Variants in CRNKL1 observed in about 807,000 individuals in gnomAD.
CRNKL1 encodes crooked neck-like protein 1.
In CRNKL1, 35 loss-of-function variants were observed where a neutral mutation model predicts 103.7. The observed-to-expected ratio is 0.34, with a 90% CI of 0.26 to 0.45. The LOEUF (loss-of-function observed/expected upper bound fraction) is 0.45, where lower values mean the gene tolerates loss of function less well. Ranked by LOEUF, CRNKL1 falls within the 20% of genes least tolerant of loss-of-function variation. The pLI, the probability that CRNKL1 is intolerant of heterozygous loss-of-function variation, is 1.00. For missense variants in CRNKL1, 645 were observed against 836.0 expected, an observed-to-expected ratio of 0.77 and a Z score of 2.82; for synonymous variants, 267 against 282.6, an observed-to-expected ratio of 0.94 and a Z score of 0.55.
chr20:20,039,037 C>T (rs1314039807), intron 11 of CRNKL1, among the ~76,000 whole-genome samples: 1 of 152,174 alleles, frequency 6.6e-6, no homozygotes, highest in Non-Finnish European at 1.5e-5. Context: ...AATCAGGGGG[C>T]CAAACCATTA....
In CRNKL1 at chr20:20,036,188, A is replaced by G; in HGVS notation, c.*7T>C. The G allele has an allele frequency of 6.2e-7, 1 of 1,609,088 alleles. No individual in the cohort carries two copies. The highest frequency in any genetic ancestry group is 2.2e-5 in the East Asian group (1 of 44,838). On this transcript the variant is annotated 3_prime_UTR_variant, in exon 14 of 14. Coordinates refer to ENST00000536226, the MANE Select transcript of CRNKL1 (RefSeq NM_001278628.2). ...AAATAACAAAACATTTGTCTATGAAAAAAAGATCAGGATTCACTCTCATCG... is the reference window on the plus strand; with the variant it reads ...AAATAACAAAACATTTGTCTATGAAGAAAAGATCAGGATTCACTCTCATCG...
At chr20:20,052,543 C>A, upstream of CRNKL1, 1 of 1,614,178 alleles carries the variant, frequency 6.2e-7, no homozygotes, top group Non-Finnish European at 8.5e-7. Context: ...GGCTGCGCGT[C>A]CTCCTTGCGG....
At position 20,042,561 on chromosome 20, in the gene CRNKL1, C is replaced by G. The variant is rs137935048; in HGVS notation, c.973-45G>C. On this transcript the variant is annotated intron_variant, in intron 7 of 13. Coordinates refer to ENST00000536226, the MANE Select transcript of CRNKL1 (RefSeq NM_001278628.2). ...AATAAATAAAAAACAAAACCAAGAG[C>G]TGCACTTGCCAGGTTAAGCAAGCTG... 5.0e-4 allele frequency: 772 copies of G among 1,544,264 alleles called. 2 individuals are homozygous for G. In the African/African-American group the frequency reaches 8.1e-3, roughly 16 times the overall value.
intron 10 of CRNKL1, 92 bp from the exon 11 acceptor site, chr20:20,039,940 G>A (rs2043485707): frequency 7.6e-7 from 1 of 1,322,936 alleles, no homozygotes; most frequent in South Asian, 1.4e-5. Flanking sequence ...CTCTGCTGAG[G>A]AAGAATCTTG....
At chr20:20,049,528 T>C in intron 2 of CRNKL1, 97 bp from the exon 3 acceptor site, 1 of 640,044 alleles carries the variant, frequency 1.6e-6, no homozygotes, top group South Asian at 2.0e-5. Flanking sequence ...TGGTTATTCA[T>C]TTTGTTCATA....
chr20:20,052,612 T>A, upstream of CRNKL1: 1 of 1,613,712 alleles, frequency 6.2e-7, no homozygotes, highest in Non-Finnish European at 8.5e-7. Flanking sequence ...CCGTGCTGAC[T>A]AGCAGCGACG....
chr20:20,050,354 C>T (rs2067036), intron 2 of CRNKL1, 116 bp downstream of exon 2: 125,298 of 783,764 alleles, frequency 0.16, 17,793 homozygotes, highest in East Asian at 0.71. Flanking sequence ...ATTATTCATG[C>T]GTCTGGAAAC....
intron 3 of CRNKL1, 36 bp from the exon 4 acceptor site, chr20:20,048,537 A>C: frequency 6.2e-7 from 1 of 1,606,888 alleles, no homozygotes; most frequent in Non-Finnish European, 8.5e-7. Flanking sequence ...TCAAAAATAG[A>C]GCATTCAACA....
chr20:20,040,357 G>A (rs1327597499), intron 10 of CRNKL1, among the ~76,000 whole-genome samples: 1 of 151,018 alleles, frequency 6.6e-6, no homozygotes, highest in Non-Finnish European at 1.5e-5. Flanking sequence ...AAAAAAAAGT[G>A]GAACAATTAA....
At chr20:20,054,009 G>GTTTT (rs1491456523), upstream of CRNKL1, among the ~76,000 whole-genome samples, 1 of 88,854 alleles carries the variant, frequency 1.1e-5, no homozygotes, top group African/African-American at 4.0e-5. Flanking sequence ...TGTTTTTTTT[G>GTTTT]TTTGTTTTTT....
chr20:20,047,678 T>C (rs1200434614), intron 5 of CRNKL1, 87 bp downstream of exon 5: 1 of 1,345,330 alleles, frequency 7.4e-7, no homozygotes, highest in African/African-American at 1.4e-5. Flanking sequence ...TTAATGACTG[T>C]GTGTCCTGAT....
At position 20,036,249 on chromosome 20, in the gene CRNKL1, T is replaced by C; in HGVS notation, c.2010A>G (p.Glu670=). The change falls in exon 14 of 14, where the codon GAA becomes GAG. Residue 670 remains glutamate, a synonymous_variant. Transcript: ENST00000536226. ...MAKLWKKQQQ[E]KEDAEHHPDE... Reference sequence around the variant, plus strand: ...CTGGATGGTGCTCAGCATCCTCCTTTTCCTGCTGCTGTTTCTTCCACAGTT... The same window carrying C: ...CTGGATGGTGCTCAGCATCCTCCTTCTCCTGCTGCTGTTTCTTCCACAGTT... The C allele has an allele frequency of 6.2e-7, 1 of 1,614,242 alleles. No homozygotes were observed. Among genetic ancestry groups the C allele is most frequent in the Non-Finnish European group, 8.5e-7 (1 of 1,180,034 alleles).
intron 6 of CRNKL1, 86 bp from the exon 7 acceptor site, chr20:20,043,748 CT>C: frequency 7.6e-7 from 1 of 1,308,086 alleles, no homozygotes; most frequent in South Asian, 1.4e-5. Context: ...CAAAATATTA[CT>C]TATAAGTTAG....
chr20:20,049,135 C>A (rs1194884410), intron 3 of CRNKL1, among the ~76,000 whole-genome samples: 1 of 152,050 alleles, frequency 6.6e-6, no homozygotes, highest in African/African-American at 2.4e-5. Context: ...ATCTCTAAAG[C>A]CTCTTCTGCC....
intron 7 of CRNKL1, 84 bp downstream of exon 7, chr20:20,043,408 T>C: frequency 1.5e-6 from 2 of 1,298,714 alleles, no homozygotes; most frequent in Non-Finnish European, 2.2e-6. Context: ...TAGTGCTACT[T>C]GCTATTATTC....
rs1325523711 is a variant in CRNKL1, at chr20:20,039,605, T to C, written c.1545+4A>G. Reference sequence around the variant, plus strand: ...CAAAATTATATTTGACTTGAGATGCTCACCTCTGGCATGTCTAAACGTGGC... The same window carrying C: ...CAAAATTATATTTGACTTGAGATGCCCACCTCTGGCATGTCTAAACGTGGC... On this transcript the variant is annotated splice_donor_region_variant and intron_variant, in intron 11 of 13. Transcript: ENST00000536226. 4 of 1,613,076 alleles carry C rather than the reference T, an allele frequency of 2.5e-6. No homozygotes were observed. Among genetic ancestry groups the C allele is most frequent in the Non-Finnish European group, 1.7e-6 (2 of 1,179,418 alleles).
chr20:20,049,196 C>T (rs2043643754), intron 3 of CRNKL1, 144 bp downstream of exon 3: 1 of 569,074 alleles, frequency 1.8e-6, no homozygotes, highest in African/African-American at 1.9e-5. Flanking sequence ...CTCAAGGGAA[C>T]CCTAGGGTTC....
At chr20:20,043,884 C>T (rs1386806824) in intron 6 of CRNKL1, among the ~76,000 whole-genome samples, 1 of 152,066 alleles carries the variant, frequency 6.6e-6, no homozygotes, top group East Asian at 1.9e-4. Flanking sequence ...CTAACACTGC[C>T]AACTGGATGT....
intron 13 of CRNKL1, among the ~76,000 whole-genome samples, chr20:20,036,920 T>A (rs960642381): frequency 6.6e-6 from 1 of 152,220 alleles, no homozygotes; most frequent in Non-Finnish European, 1.5e-5. Context: ...GCTAGCAATC[T>A]GGTCACGTCA....
Sources: gnomAD v4.1 joint callset for allele counts (sites outside exome capture counted in the v4.1 genomes callset) on GRCh38, gnomAD v4.1.1 for gene constraint, MANE v1.5 for transcripts, NCBI Gene and HGNC (gene_info 2026-07-23, HGNC 2026-07-21) for gene names.